Variants in LARP4B observed in about 807,000 individuals in gnomAD.
The protein encoded by LARP4B is la-related protein 4B.
A neutral mutation model predicts 89.8 loss-of-function variants in LARP4B; 12 were observed. The ratio of observed to expected loss-of-function variants is 0.13; its 90% CI spans 0.09 to 0.22. LARP4B has a LOEUF of 0.22. Ranked by LOEUF, LARP4B falls within the 10% of genes least tolerant of loss-of-function variation. The pLI is 1.00. For missense variants in LARP4B, 757 were observed against 947.7 expected (o/e 0.80, Z 2.64); for synonymous variants, 367 against 363.3 (o/e 1.01, Z -0.12).
At chr10:841,717 C>T (rs957490503) in intron 7 of LARP4B, among the ~76,000 whole-genome samples, 1 of 152,208 alleles carries the variant, frequency 6.6e-6, no homozygotes, top group Non-Finnish European at 1.5e-5. Context: ...CAGACAACAG[C>T]TTCTGTTCTG....
At chr10:962,901 G>A in the LARP4B span, among the ~76,000 whole-genome samples, 5 of 152,154 alleles carry the variant, frequency 3.3e-5, no homozygotes, top group African/African-American at 1.2e-4. Context: ...GAGACCACCT[G>A]AACTCCAGAT....
At chr10:975,880 C>G in the LARP4B span, among the ~76,000 whole-genome samples, 1 of 150,424 alleles carries the variant, frequency 6.6e-6, no homozygotes, top group Admixed American at 6.6e-5. Context: ...AATGTGTGGA[C>G]CCAGCCTAGT....
chr10:957,693 G>T, the LARP4B span, among the ~76,000 whole-genome samples: 1 of 151,812 alleles, frequency 6.6e-6, no homozygotes. Flanking sequence ...ATTTTATAAG[G>T]TTAAATCTAA....
intron 3 of LARP4B, among the ~76,000 whole-genome samples, chr10:882,651 T>C (rs1288003322): frequency 2.6e-5 from 4 of 152,226 alleles, no homozygotes; most frequent in Admixed American, 6.5e-5. Context: ...TAGAGATCAC[T>C]TTTTTGTGTT....
chr10:925,982 A>C (rs745932648), intron 1 of LARP4B, among the ~76,000 whole-genome samples: 9 of 152,268 alleles, frequency 5.9e-5, no homozygotes, highest in Non-Finnish European at 8.8e-5. Context: ...ACTCTATAAG[A>C]AACTTTCTAA....
intron 1 of LARP4B, among the ~76,000 whole-genome samples, chr10:894,364 T>C (rs1335684762): frequency 2.0e-5 from 3 of 152,176 alleles, no homozygotes; most frequent in Non-Finnish European, 4.4e-5. Flanking sequence ...AAATCCAAAA[T>C]GTAGGCAAGA....
At chr10:982,206 T>C in the LARP4B span, among the ~76,000 whole-genome samples, 1 of 148,152 alleles carries the variant, frequency 6.7e-6, no homozygotes, top group East Asian at 2.1e-4. Context: ...ACCTCCTGCC[T>C]CAAGCAATTT....
intron 5 of LARP4B, among the ~76,000 whole-genome samples, chr10:852,519 G>A (rs1172954174): frequency 1.3e-5 from 2 of 152,144 alleles, no homozygotes; most frequent in Admixed American, 6.5e-5. Context: ...CACCACTAAC[G>A]TTATACTTCA....
chr10:968,612 AG>A, the LARP4B span, among the ~76,000 whole-genome samples: 14 of 152,364 alleles, frequency 9.2e-5, no homozygotes, highest in African/African-American at 3.4e-4. Flanking sequence ...TGTTGTCAAT[AG>A]GATTTTCCTG....
chr10:894,489 T>G (rs1281817356), intron 1 of LARP4B, among the ~76,000 whole-genome samples: 1 of 152,212 alleles, frequency 6.6e-6, no homozygotes, highest in African/African-American at 2.4e-5. Flanking sequence ...AGAACTGTGT[T>G]TGGATCCTGA....
rs1359656379 is a variant in LARP4B, at chr10:813,163, C to T, written c.1980G>A (p.Glu660=). The change falls in exon 18 of 18, where the codon GAG becomes GAA. Residue 660 remains glutamate (E), a synonymous_variant. Transcript: ENST00000316157. ...YAEICQRTSK[E]PPSSPLQPQK... ...GGGGTTGCAATGGGGAAGAAGGAGGCTCTTTACTCGTTCTCTGACAAATCT... is the reference window on the plus strand; with the variant it reads ...GGGGTTGCAATGGGGAAGAAGGAGGTTCTTTACTCGTTCTCTGACAAATCT... 1.9e-6 allele frequency: 3 copies of T among 1,613,602 alleles called. No homozygotes were observed. In the African/African-American group the frequency reaches 4.0e-5, roughly 22 times the overall value.
intron 1 of LARP4B, among the ~76,000 whole-genome samples, chr10:886,109 C>T (rs1835849711): frequency 6.6e-6 from 1 of 151,822 alleles, no homozygotes; most frequent in African/African-American, 2.4e-5. Context: ...TCACACCACT[C>T]GATAGCAAAA....
the LARP4B span, among the ~76,000 whole-genome samples, chr10:978,778 A>T: frequency 6.6e-6 from 1 of 152,088 alleles, no homozygotes; most frequent in Non-Finnish European, 1.5e-5. Flanking sequence ...CTTTGCTTCT[A>T]TTGCAAGTAT....
the LARP4B span, among the ~76,000 whole-genome samples, chr10:973,904 G>A: frequency 6.6e-6 from 1 of 152,172 alleles, no homozygotes; most frequent in Non-Finnish European, 1.5e-5. Context: ...ATGCTGAGGT[G>A]TGACAGAGTA....
intron 2 of LARP4B, among the ~76,000 whole-genome samples, chr10:885,266 G>A (rs1207862613): frequency 6.6e-6 from 1 of 152,226 alleles, no homozygotes; most frequent in Non-Finnish European, 1.5e-5. Context: ...CAGTTTATTA[G>A]CTCTAGGTCA....
intron 1 of LARP4B, among the ~76,000 whole-genome samples, chr10:904,211 G>C (rs149608098): frequency 6.6e-6 from 1 of 152,108 alleles, no homozygotes; most frequent in Non-Finnish European, 1.5e-5. Context: ...TTGAGCTCAG[G>C]AGTTCAAAAC....
At chr10:869,298 C>T (rs1039338465) in intron 3 of LARP4B, among the ~76,000 whole-genome samples, 9 of 152,118 alleles carry the variant, frequency 5.9e-5, no homozygotes, top group African/African-American at 1.7e-4. Context: ...ACATGCTTAT[C>T]GAATCAACTA....
intron 14 of LARP4B, chr10:819,441 C>T (rs974533895): frequency 1.3e-5 from 2 of 152,098 alleles, no homozygotes; most frequent in African/African-American, 2.4e-5. Context: ...TGGTTAGGCC[C>T]GAGGCTCACA....
chr10:934,320 A>G (rs1194040491), upstream of LARP4B, among the ~76,000 whole-genome samples: 1 of 151,784 alleles, frequency 6.6e-6, no homozygotes. Flanking sequence ...AATATGTCAA[A>G]GCCCCATTTC....
Sources: allele counts gnomAD v4.1 joint callset (sites outside exome capture counted in the v4.1 genomes callset), GRCh38; gene constraint gnomAD v4.1.1; transcripts MANE v1.5; gene names NCBI Gene and HGNC (gene_info 2026-07-23, HGNC 2026-07-21).